RIMS2: variants seen among roughly 807,000 people sequenced by gnomAD.
RIMS2 encodes the protein regulating synaptic membrane exocytosis 2, also known as regulating synaptic membrane exocytosis protein 2.
In RIMS2, 59 loss-of-function variants were observed where a neutral mutation model predicts 174.4. The observed-to-expected ratio is 0.34, with a 90% CI of 0.27 to 0.42. RIMS2 has a LOEUF of 0.42. RIMS2 is among the 10% of genes least tolerant of loss of function. The pLI, the probability that RIMS2 is intolerant of heterozygous loss-of-function variation, is 1.00. For missense variants in RIMS2, 1,620 were observed against 1,666.3 expected (o/e 0.97, Z 0.48); for synonymous variants, 606 against 572.5 (o/e 1.06, Z -0.84).
intron 17 of RIMS2, among the ~76,000 whole-genome samples, chr8:104,005,707 T>C (rs1335863261): frequency 6.6e-6 from 1 of 152,150 alleles, no homozygotes; most frequent in Admixed American, 6.5e-5. Context: ...AAGTTAATTG[T>C]CAGTTGTTTT....
intron 5 of RIMS2, among the ~76,000 whole-genome samples, chr8:103,911,826 A>G (rs190133957): frequency 2.2e-4 from 34 of 152,242 alleles, no homozygotes; most frequent in African/African-American, 7.2e-4. Context: ...AATTGGAAGT[A>G]ATTGGATTTT....
At chr8:104,205,790 G>A (rs1037273518) in intron 19 of RIMS2, among the ~76,000 whole-genome samples, 2 of 149,110 alleles carry the variant, frequency 1.3e-5, no homozygotes, top group African/African-American at 4.9e-5. Flanking sequence ...AAGTCTCGCT[G>A]TGTCACCAGG....
intron 1 of RIMS2, among the ~76,000 whole-genome samples, chr8:103,605,676 G>T (rs1194855325): frequency 1.8e-4 from 28 of 152,158 alleles, no homozygotes; most frequent in Non-Finnish European, 1.5e-5. Flanking sequence ...CACAATTTCT[G>T]ATCCTGTTAT....
intron 1 of RIMS2, among the ~76,000 whole-genome samples, chr8:103,552,075 T>C (rs933586982): frequency 8.5e-5 from 13 of 152,162 alleles, no homozygotes; most frequent in African/African-American, 2.4e-4. Context: ...TACCAATGAC[T>C]TTTTTCACAG....
intron 1 of RIMS2, among the ~76,000 whole-genome samples, chr8:103,558,942 A>T (rs1351390726): frequency 1.3e-5 from 2 of 151,924 alleles, no homozygotes; most frequent in Admixed American, 1.3e-4. Context: ...GAGAGCATGC[A>T]TCATTTACAG....
chr8:103,988,867 G>A (rs1287342990), intron 16 of RIMS2, among the ~76,000 whole-genome samples: 5 of 152,074 alleles, frequency 3.3e-5, no homozygotes, highest in South Asian at 2.1e-4. Flanking sequence ...CCTAAGCTCC[G>A]AACTCATGTC....
At chr8:103,680,853 G>A (rs1266454715) in intron 1 of RIMS2, among the ~76,000 whole-genome samples, 1 of 151,930 alleles carries the variant, frequency 6.6e-6, no homozygotes, top group Admixed American at 6.6e-5. Flanking sequence ...AAGAATGAGA[G>A]AAAACTAGAA....
At chr8:103,800,460 A>G (rs1332177034) in intron 3 of RIMS2, among the ~76,000 whole-genome samples, 1 of 152,098 alleles carries the variant, frequency 6.6e-6, no homozygotes, top group Non-Finnish European at 1.5e-5. Context: ...GATGTTAGCT[A>G]TAGGTTTTCC....
At chr8:103,637,495 T>G (rs2096116121) in intron 1 of RIMS2, among the ~76,000 whole-genome samples, 2 of 152,218 alleles carry the variant, frequency 1.3e-5, no homozygotes, top group African/African-American at 2.4e-5. Context: ...AAGATAAGTA[T>G]TACTTATTTT....
chr8:104,165,637 T>A (rs1414381251), intron 19 of RIMS2, among the ~76,000 whole-genome samples: 1 of 152,112 alleles, frequency 6.6e-6, no homozygotes, highest in Middle Eastern at 3.2e-3. Flanking sequence ...TCTTTATCTG[T>A]CCTTGCTATC....
chr8:103,703,673 T>C (rs1260607306), intron 2 of RIMS2, among the ~76,000 whole-genome samples: 1 of 152,180 alleles, frequency 6.6e-6, no homozygotes, highest in Admixed American at 6.5e-5. Flanking sequence ...ATTTCATCAG[T>C]GTCTTATAGT....
intron 3 of RIMS2, among the ~76,000 whole-genome samples, chr8:103,773,362 T>G (rs1440957358): frequency 6.6e-6 from 1 of 152,190 alleles, no homozygotes; most frequent in East Asian, 1.9e-4. Flanking sequence ...GAATAAGCTG[T>G]TTATAAAAAA....
chr8:104,250,599 C>A (rs915385824), intron 22 of RIMS2, among the ~76,000 whole-genome samples: 6 of 96,006 alleles, frequency 6.2e-5, no homozygotes, highest in African/African-American at 3.2e-4. Flanking sequence ...TACTGTTATA[C>A]CCACACCACC....
At chr8:103,662,029 A>G (rs1429043035) in intron 1 of RIMS2, among the ~76,000 whole-genome samples, 2 of 152,224 alleles carry the variant, frequency 1.3e-5, no homozygotes, top group Admixed American at 6.5e-5. Context: ...CCTGGGCTAC[A>G]TTGGAAGAAG....
At chr8:103,879,878 T>C (rs1421737331) in intron 3 of RIMS2, among the ~76,000 whole-genome samples, 3 of 151,712 alleles carry the variant, frequency 2.0e-5, no homozygotes, top group Non-Finnish European at 3.0e-5. Flanking sequence ...GGAATTTGTG[T>C]GGCCTTATTA....
intron 16 of RIMS2, among the ~76,000 whole-genome samples, chr8:103,981,425 A>G (rs1177372294): frequency 6.6e-6 from 1 of 152,176 alleles, no homozygotes; most frequent in African/African-American, 2.4e-5. Context: ...CCCAAGAAGG[A>G]TGGGCACAAC....
intron 11 of RIMS2, among the ~76,000 whole-genome samples, chr8:103,929,597 C>T (rs951585737): frequency 1.3e-5 from 2 of 151,582 alleles, no homozygotes; most frequent in African/African-American, 4.8e-5. Context: ...AAGCCATAAA[C>T]TCTTTAAAAC....
rs374416223 is a variant in RIMS2, at chr8:103,832,931, T to TA, written c.699-52366dup. Among the ~76,000 whole-genome samples, 647 of 152,364 alleles carry TA rather than the reference T, an allele frequency of 4.2e-3. 4 individuals carry two copies. The highest frequency in any genetic ancestry group is 0.015 in the African/African-American group (616 of 41,588). On this transcript the variant is annotated intron_variant, in intron 3 of 23. Coordinates refer to ENST00000504942, the Ensembl canonical transcript of RIMS2. ...AGAGAAATGAGTAGTCTTTTACATT[T>TA]ATTCACATATTCCTTGTTTTAAGTT...
At chr8:103,818,264 G>C (rs2098730496) in intron 3 of RIMS2, among the ~76,000 whole-genome samples, 1 of 151,998 alleles carries the variant, frequency 6.6e-6, no homozygotes, top group Non-Finnish European at 1.5e-5. Context: ...GGGCAAAAAG[G>C]GCTGGATTTA....
Sources: allele counts gnomAD v4.1 joint callset (sites outside exome capture counted in the v4.1 genomes callset), GRCh38; gene constraint gnomAD v4.1.1; transcripts MANE v1.5; gene names NCBI Gene and HGNC (gene_info 2026-07-23, HGNC 2026-07-21).